CDH12: variants seen among roughly 807,000 people sequenced by gnomAD.
CDH12 encodes cadherin-12.
CDH12 carries 41 observed loss-of-function variants against 74.1 expected under a neutral mutation model. That is an observed-to-expected ratio of 0.55 (90% CI 0.43 to 0.72). The LOEUF (loss-of-function observed/expected upper bound fraction) is 0.72. Among genes scored for constraint, CDH12 ranks in the 30% least tolerant of loss-of-function variants. The pLI is 0.00. For missense variants in CDH12, 945 were observed against 977.2 expected (o/e 0.97, Z 0.44); for synonymous variants, 399 against 355.0 (o/e 1.12, Z -1.39).
At position 22,062,806 on chromosome 5, in the gene CDH12, A is replaced by C. The variant is rs936226579; in HGVS notation, c.231+15640T>G. Among the ~76,000 whole-genome samples, 46 of 152,140 alleles carry C rather than the reference A, an allele frequency of 3.0e-4. 1 individual carries two copies. The highest frequency in any genetic ancestry group is 2.4e-3 in the Admixed American group (36 of 15,246). On this transcript the variant is annotated intron_variant, in intron 5 of 14. Transcript: ENST00000382254. ...TCTATCAACTCAGAAGGAGACTAAC[A>C]CATTAGACAGAACTTGAGACATACT...
chr5:22,747,834 C>G (rs997713154), intron 1 of CDH12, among the ~76,000 whole-genome samples: 8 of 151,934 alleles, frequency 5.3e-5, no homozygotes, highest in Non-Finnish European at 1.2e-4. Context: ...TTTTATTTTT[C>G]AAAATGTATT....
At position 21,752,037 on chromosome 5, in the gene CDH12, T is replaced by C. The variant is rs1314482157; in HGVS notation, c.2085A>G (p.Pro695=). 2 of 1,614,012 alleles carry C rather than the reference T, an allele frequency of 1.2e-6. No homozygotes were observed. Among genetic ancestry groups the C allele is most frequent in the African/African-American group, 1.3e-5 (1 of 74,918 alleles). ...TCTGACGAGGTAAACAGAGAGAGTC[T>C]GGTTTTATATCCCTGCGAATTTTGT... ...EENKIRRDIK[P]DSLCLPRQRP... The change falls in exon 15 of 15, where the codon CCA becomes CCG. Residue 695 remains proline, a synonymous_variant. Transcript: ENST00000382254.
chr5:22,051,805 G>GAA, intron 5 of CDH12, among the ~76,000 whole-genome samples: 1 of 150,478 alleles, frequency 6.6e-6, no homozygotes, highest in African/African-American at 2.5e-5. Flanking sequence ...AAAAGATTGA[G>GAA]AAAAAAAGAA....
intron 8 of CDH12, among the ~76,000 whole-genome samples, chr5:21,832,817 A>T (rs1465669328): frequency 1.7e-5 from 2 of 120,412 alleles, no homozygotes; most frequent in Non-Finnish European, 3.3e-5. Context: ...CATATAATAT[A>T]TGATATATAT....
At chr5:21,785,061 T>TTA (rs1554030247) in intron 10 of CDH12, among the ~76,000 whole-genome samples, 93 of 149,600 alleles carry the variant, frequency 6.2e-4, no homozygotes, top group African/African-American at 2.1e-3. Flanking sequence ...ATTTTGGTAA[T>TTA]TATTATATTT....
chr5:22,098,418 C>G (rs771022877), intron 4 of CDH12, among the ~76,000 whole-genome samples: 9 of 152,278 alleles, frequency 5.9e-5, no homozygotes, highest in Non-Finnish European at 7.4e-5. Flanking sequence ...AGCCAGGACC[C>G]CACCCTTTAG....
chr5:21,858,229 T>C (rs1441583181), intron 6 of CDH12, among the ~76,000 whole-genome samples: 3 of 151,900 alleles, frequency 2.0e-5, no homozygotes, highest in East Asian at 3.9e-4. Context: ...AAACTATATG[T>C]GGAAATTTAA....
chr5:22,630,769 A>G (rs1738542279), intron 1 of CDH12, among the ~76,000 whole-genome samples: 1 of 152,176 alleles, frequency 6.6e-6, no homozygotes, highest in Non-Finnish European at 1.5e-5. Flanking sequence ...ATTGCAACAA[A>G]AATAAGAATT....
chr5:22,206,482 G>C (rs945010703), intron 4 of CDH12, among the ~76,000 whole-genome samples: 14 of 151,818 alleles, frequency 9.2e-5, no homozygotes, highest in Admixed American at 2.6e-4. Context: ...TGTGGTTCCT[G>C]GTTTCTTTTC....
At chr5:21,841,244 A>G (rs1334662070) in intron 8 of CDH12, among the ~76,000 whole-genome samples, 2 of 150,960 alleles carry the variant, frequency 1.3e-5, no homozygotes, top group African/African-American at 4.8e-5. Flanking sequence ...GCAGCCAAAA[A>G]ACACATGAAA....
intron 3 of CDH12, among the ~76,000 whole-genome samples, chr5:22,347,726 A>ATTC: frequency 6.6e-6 from 1 of 152,276 alleles, no homozygotes; most frequent in Middle Eastern, 3.4e-3. Context: ...GATTATTATT[A>ATTC]TTTGTAGCAT....
chr5:22,094,796 A>T (rs1347136122), intron 4 of CDH12, among the ~76,000 whole-genome samples: 1 of 152,086 alleles, frequency 6.6e-6, no homozygotes. Context: ...TGATGACATT[A>T]TCTTGTGAAA....
At chr5:22,630,099 A>C (rs1454435619) in intron 1 of CDH12, among the ~76,000 whole-genome samples, 2 of 152,152 alleles carry the variant, frequency 1.3e-5, no homozygotes, top group Non-Finnish European at 2.9e-5. Context: ...TGCTCAAAGA[A>C]ATCAGAGATA....
At chr5:22,474,138 T>C (rs1024207420) in intron 2 of CDH12, among the ~76,000 whole-genome samples, 33 of 152,290 alleles carry the variant, frequency 2.2e-4, no homozygotes, top group East Asian at 1.9e-4. Flanking sequence ...GGATTACTTA[T>C]TTTCTTTCAC....
In CDH12 at chr5:22,412,538, A is replaced by T. The variant is rs2968378; in HGVS notation, c.-427-7187T>A. Among the ~76,000 whole-genome samples, 427 of 152,066 alleles carry T rather than the reference A, an allele frequency of 2.8e-3. 5 individuals are homozygous for T. The highest frequency in any genetic ancestry group is 9.8e-3 in the African/African-American group (408 of 41,558). On this transcript the variant is annotated intron_variant, in intron 2 of 14. Coordinates refer to ENST00000382254, the MANE Select transcript of CDH12 (RefSeq NM_004061.5). ...ATTTGTGATTTTATTGTTTATAAAT[A>T]TCTTTGTCATTTACAGGTTTTCTCT...
At chr5:21,862,898 T>C (rs1242609805) in intron 6 of CDH12, among the ~76,000 whole-genome samples, 2 of 152,144 alleles carry the variant, frequency 1.3e-5, no homozygotes, top group African/African-American at 2.4e-5. Context: ...CTTCTCACAA[T>C]TGGAAAGCTG....
chr5:21,868,710 T>C (rs745801502), intron 6 of CDH12, among the ~76,000 whole-genome samples: 3 of 152,234 alleles, frequency 2.0e-5, no homozygotes, highest in African/African-American at 7.2e-5. Flanking sequence ...AGGTAACTTG[T>C]AAATTCACAG....
intron 1 of CDH12, among the ~76,000 whole-genome samples, chr5:22,707,391 C>T (rs1743068982): frequency 1.3e-5 from 2 of 152,124 alleles, no homozygotes; most frequent in Non-Finnish European, 2.9e-5. Flanking sequence ...ACTATGATTT[C>T]ACCCTTATTT....
At chr5:21,789,756 G>A (rs2149905852) in intron 10 of CDH12, among the ~76,000 whole-genome samples, 1 of 152,148 alleles carries the variant, frequency 6.6e-6, no homozygotes, top group East Asian at 1.9e-4. Context: ...CAATTATTAT[G>A]TAGATGTTGG....
Sources: gnomAD v4.1 joint callset for allele counts (sites outside exome capture counted in the v4.1 genomes callset) on GRCh38, gnomAD v4.1.1 for gene constraint, MANE v1.5 for transcripts, NCBI Gene and HGNC (gene_info 2026-07-23, HGNC 2026-07-21) for gene names.